WDPCP: variants seen among roughly 807,000 people sequenced by gnomAD.
The protein encoded by WDPCP is WD repeat-containing and planar cell polarity effector protein fritz homolog.
A neutral mutation model predicts 93.1 loss-of-function variants in WDPCP; 71 were observed. That is an observed-to-expected ratio of 0.76 (90% confidence interval 0.63 to 0.93). The LOEUF (loss-of-function observed/expected upper bound fraction) is 0.93. Among genes scored for constraint, WDPCP ranks in the 40% least tolerant of loss-of-function variants. The pLI, the probability that WDPCP is intolerant of heterozygous loss-of-function variation, is 0.00. For synonymous variants in WDPCP, 315 were observed against 315.0 expected, an observed-to-expected ratio of 1.00 and a Z score of 0.00; for missense variants, 844 against 887.4, an observed-to-expected ratio of 0.95 and a Z score of 0.62.
chr2:63,160,130 G>A (rs1362670058), intron 15 of WDPCP, among the ~76,000 whole-genome samples: 3 of 152,124 alleles, frequency 2.0e-5, no homozygotes, highest in East Asian at 1.9e-4. Flanking sequence ...TCCCCAAACA[G>A]CTGCTCCAAT....
At chr2:63,226,937 A>C (rs186682572) in intron 14 of WDPCP, among the ~76,000 whole-genome samples, 1 of 151,934 alleles carries the variant, frequency 6.6e-6, no homozygotes, top group African/African-American at 2.4e-5. Flanking sequence ...TGTTTATGGA[A>C]CTTAACACAT....
intron 2 of WDPCP, among the ~76,000 whole-genome samples, chr2:63,675,797 C>T (rs950665768): frequency 2.6e-5 from 4 of 152,108 alleles, no homozygotes; most frequent in African/African-American, 9.7e-5. Flanking sequence ...CCCTTCAAGA[C>T]CAAATATATG....
intron 12 of WDPCP, among the ~76,000 whole-genome samples, chr2:63,375,441 T>C (rs1691765177): frequency 6.6e-6 from 1 of 151,942 alleles, no homozygotes; most frequent in Non-Finnish European, 1.5e-5. Context: ...TTAGCTACCA[T>C]ATCAAGACTG....
intron 13 of WDPCP, among the ~76,000 whole-genome samples, chr2:63,274,039 C>T (rs376509191): frequency 5.1e-4 from 78 of 152,200 alleles, no homozygotes; most frequent in African/African-American, 1.8e-3. Flanking sequence ...TCAACAGTTA[C>T]GAAATATGTA....
intron 14 of WDPCP, among the ~76,000 whole-genome samples, chr2:63,175,080 G>A (rs1318504754): frequency 6.6e-6 from 1 of 152,082 alleles, no homozygotes; most frequent in Non-Finnish European, 1.5e-5. Flanking sequence ...TTGCTTATGT[G>A]TAGTGTTTTT....
chr2:63,319,416 A>T (rs1427811932), intron 12 of WDPCP, among the ~76,000 whole-genome samples: 1 of 152,258 alleles, frequency 6.6e-6, no homozygotes, highest in African/African-American at 2.4e-5. Flanking sequence ...AAAACAAATG[A>T]TCAGACTACC....
At chr2:63,578,641 C>T (rs548874466) in intron 1 of WDPCP, among the ~76,000 whole-genome samples, 28 of 152,286 alleles carry the variant, frequency 1.8e-4, no homozygotes, top group African/African-American at 6.7e-4. Flanking sequence ...CAGCGATGAA[C>T]TCCCAGGCCA....
intron 2 of WDPCP, among the ~76,000 whole-genome samples, chr2:63,714,421 TATAAG>T (rs981419161): frequency 1.3e-5 from 2 of 152,224 alleles, no homozygotes; most frequent in African/African-American, 2.4e-5. Context: ...ATACCTCCCT[TATAAG>T]ATAAGTTCAT....
At chr2:63,802,054 T>G (rs142103920) in intron 2 of WDPCP, among the ~76,000 whole-genome samples, 147 of 152,198 alleles carry the variant, frequency 9.7e-4, no homozygotes, top group Admixed American at 1.9e-3. Flanking sequence ...GTGGACACAT[T>G]TTAACCACAA....
At chr2:63,302,807 C>T (rs771374465) in intron 13 of WDPCP, among the ~76,000 whole-genome samples, 4 of 152,192 alleles carry the variant, frequency 2.6e-5, no homozygotes, top group African/African-American at 4.8e-5. Flanking sequence ...GGACCCCATA[C>T]GACTGCTGTT....
chr2:63,313,739 T>C (rs1686365739), intron 12 of WDPCP, among the ~76,000 whole-genome samples: 1 of 151,782 alleles, frequency 6.6e-6, no homozygotes, highest in Non-Finnish European at 1.5e-5. Flanking sequence ...AGATGGGATA[T>C]ACTAAGGAAG....
chr2:63,533,504 A>G (rs944338821), intron 1 of WDPCP, among the ~76,000 whole-genome samples: 1 of 152,224 alleles, frequency 6.6e-6, no homozygotes, highest in Non-Finnish European at 1.5e-5. Flanking sequence ...AATTATAACA[A>G]ACAGTCTCTC....
chr2:63,738,926 A>G (rs1293080426), intron 2 of WDPCP, among the ~76,000 whole-genome samples: 2 of 152,182 alleles, frequency 1.3e-5, no homozygotes. Context: ...GACTTCTAAC[A>G]GCATAGATTA....
chr2:63,318,222 C>A (rs574900491), intron 12 of WDPCP, among the ~76,000 whole-genome samples: 1 of 152,178 alleles, frequency 6.6e-6, no homozygotes, highest in East Asian at 1.9e-4. Context: ...GAGATACCAT[C>A]TCATAACCAG....
chr2:63,216,790 T>A (rs1677392078), intron 14 of WDPCP, among the ~76,000 whole-genome samples: 1 of 152,056 alleles, frequency 6.6e-6, no homozygotes, highest in Non-Finnish European at 1.5e-5. Flanking sequence ...TAAAAATTTA[T>A]TAGCTTAGGA....
intron 2 of WDPCP, among the ~76,000 whole-genome samples, chr2:63,750,525 C>A (rs992770297): frequency 2.0e-5 from 3 of 151,904 alleles, no homozygotes; most frequent in East Asian, 3.9e-4. Context: ...ATAACTAGGA[C>A]CTTCATTAAC....
At chr2:63,498,061 G>C (rs1701335493) in intron 1 of WDPCP, among the ~76,000 whole-genome samples, 1 of 151,748 alleles carries the variant, frequency 6.6e-6, no homozygotes, top group South Asian at 2.1e-4. Context: ...ATTAATGAAA[G>C]AATGAAAGAA....
chr2:63,471,867 G>T (rs538060226), intron 6 of WDPCP, among the ~76,000 whole-genome samples: 28 of 152,204 alleles, frequency 1.8e-4, no homozygotes, highest in African/African-American at 6.7e-4. Context: ...CCTGAGAAAA[G>T]TTCTTGGCAG....
chr2:63,345,147 T>G (rs370495037), intron 12 of WDPCP, among the ~76,000 whole-genome samples: 2 of 152,210 alleles, frequency 1.3e-5, no homozygotes, highest in East Asian at 3.8e-4. Context: ...AACCGCAGTG[T>G]GGCATCTACT....
Sources: gnomAD v4.1 joint callset for allele counts (sites outside exome capture counted in the v4.1 genomes callset) on GRCh38, gnomAD v4.1.1 for gene constraint, MANE v1.5 for transcripts, NCBI Gene and HGNC (gene_info 2026-07-23, HGNC 2026-07-21) for gene names.